Variants in CACNG3 observed in about 807,000 individuals in gnomAD.
The protein encoded by CACNG3 is voltage-dependent calcium channel gamma-3 subunit.
Under a neutral mutation model 28.5 loss-of-function variants are expected in CACNG3, and 3 were observed. The ratio of observed to expected loss-of-function variants is 0.11; its 90% confidence interval spans 0.05 to 0.27. The LOEUF (loss-of-function observed/expected upper bound fraction) is 0.27. Among genes scored for constraint, CACNG3 ranks in the 10% least tolerant of loss-of-function variants. CACNG3 has a pLI of 1.00. For synonymous variants in CACNG3, 174 were observed against 162.2 expected (o/e 1.07, Z -0.55); for missense variants, 236 against 414.4 (o/e 0.57, Z 3.74).
chr16:24,295,213 C>G (rs1024435232), intron 1 of CACNG3, among the ~76,000 whole-genome samples: 2 of 152,146 alleles, frequency 1.3e-5, no homozygotes, highest in East Asian at 3.9e-4. Context: ...CCAGACTTGC[C>G]GCCTGAACTG....
At chr16:24,315,765 T>C (rs1008677487) in intron 1 of CACNG3, among the ~76,000 whole-genome samples, 5 of 152,002 alleles carry the variant, frequency 3.3e-5, no homozygotes. Context: ...TTCAAGCAAT[T>C]CCCCTGCCTC....
At chr16:24,293,351 T>C (rs940494291) in intron 1 of CACNG3, among the ~76,000 whole-genome samples, 5 of 152,092 alleles carry the variant, frequency 3.3e-5, no homozygotes, top group African/African-American at 1.2e-4. Flanking sequence ...CTGATGTTCA[T>C]CCTCTGGTTC....
intron 1 of CACNG3, among the ~76,000 whole-genome samples, chr16:24,289,091 A>G (rs543347656): frequency 6.6e-6 from 1 of 152,162 alleles, no homozygotes; most frequent in Non-Finnish European, 1.5e-5. Context: ...CAGCATCTTA[A>G]GGAAACCGCA....
intron 1 of CACNG3, among the ~76,000 whole-genome samples, chr16:24,305,318 A>ATGTGTGTG (rs1491191229): frequency 8.4e-6 from 1 of 118,406 alleles, no homozygotes; most frequent in African/African-American, 3.2e-5. Flanking sequence ...ATATACATAA[A>ATGTGTGTG]TATGTGTGTG....
At chr16:24,356,297 T>G (rs1054886403) in intron 3 of CACNG3, among the ~76,000 whole-genome samples, 1 of 152,070 alleles carries the variant, frequency 6.6e-6, no homozygotes, top group African/African-American at 2.4e-5. Flanking sequence ...TGAGGAAGAG[T>G]GGCTTGCAAC....
intron 2 of CACNG3, among the ~76,000 whole-genome samples, chr16:24,354,250 G>A (rs1256933826): frequency 6.6e-6 from 1 of 152,030 alleles, no homozygotes; most frequent in Non-Finnish European, 1.5e-5. Context: ...TTCTGTGATC[G>A]CTCTCGATCT....
chr16:24,356,521 T>G (rs1273022638), intron 3 of CACNG3, among the ~76,000 whole-genome samples: 2 of 151,910 alleles, frequency 1.3e-5, no homozygotes, highest in Non-Finnish European at 2.9e-5. Context: ...TAGGCAACAT[T>G]GCAAGACCCG....
At chr16:24,302,331 C>T (rs548712141) in intron 1 of CACNG3, among the ~76,000 whole-genome samples, 112 of 152,332 alleles carry the variant, frequency 7.4e-4, no homozygotes, top group African/African-American at 2.6e-3. Context: ...CTCAAAGAGT[C>T]ACCCTTGGAC....
chr16:24,343,004 A>G (rs980447542), intron 1 of CACNG3, among the ~76,000 whole-genome samples: 1 of 152,114 alleles, frequency 6.6e-6, no homozygotes, highest in South Asian at 2.1e-4. Context: ...AGCCTGGACA[A>G]TATGGCAAAA....
At chr16:24,260,037 T>C (rs1898518161) in intron 1 of CACNG3, among the ~76,000 whole-genome samples, 1 of 152,232 alleles carries the variant, frequency 6.6e-6, no homozygotes, top group African/African-American at 2.4e-5. Flanking sequence ...GTATTGACTA[T>C]GTGTTTTAAG....
At chr16:24,331,997 C>A (rs1652005181) in intron 1 of CACNG3, among the ~76,000 whole-genome samples, 2 of 152,194 alleles carry the variant, frequency 1.3e-5, no homozygotes. Context: ...CTGAAATTAT[C>A]TTTTCCTTTT....
chr16:24,351,444 C>T lies in CACNG3; in HGVS notation c.296-3389C>T, dbSNP rs573789374. Among the ~76,000 whole-genome samples, 410 of 151,784 alleles carry T rather than the reference C, an allele frequency of 2.7e-3. 2 individuals are homozygous for T. Among genetic ancestry groups the T allele is most frequent in the African/African-American group, 8.8e-3 (363 of 41,352 alleles). On this transcript the variant is annotated intron_variant, in intron 2 of 3. Transcript: ENST00000005284. The stretch of plus-strand genomic sequence containing the variant: ...AAAATTAGGGTGGTATGGTGGCATG[C>T]GCCTGTAGTCCCAGCTACTCGGGAA...
chr16:24,337,138 T>A (rs1899723179), intron 1 of CACNG3, among the ~76,000 whole-genome samples: 1 of 152,126 alleles, frequency 6.6e-6, no homozygotes. Flanking sequence ...AAGATAGGAA[T>A]CTTGAGAGGA....
intron 1 of CACNG3, among the ~76,000 whole-genome samples, chr16:24,343,370 T>A (rs1899816069): frequency 6.6e-6 from 1 of 152,154 alleles, no homozygotes; most frequent in African/African-American, 2.4e-5. Flanking sequence ...TGGTCTGTAT[T>A]TAGTAAGGTT....
chr16:24,297,997 G>C (rs1402926228), intron 1 of CACNG3, among the ~76,000 whole-genome samples: 1 of 150,166 alleles, frequency 6.7e-6, no homozygotes, highest in Non-Finnish European at 1.5e-5. Context: ...CTGTGTGTGT[G>C]TGTGTGTGTG....
Position 24,256,645 on chromosome 16 carries a change from T to C in CACNG3, c.-110T>C. 1 of 748,306 alleles carries C rather than the reference T, an allele frequency of 1.3e-6. No homozygotes were observed. Among genetic ancestry groups the C allele is most frequent in the Non-Finnish European group, 2.4e-6 (1 of 419,266 alleles). 46.4% of individuals were successfully genotyped at this position (748,306 alleles called of 1,614,324 possible). A position where few individuals can be genotyped will look rare whatever the true frequency, so the allele number is the denominator to read the frequency against. The stretch of plus-strand genomic sequence containing the variant: ...CTGTGGATGCTGACAAAAGGAGACC[T>C]GAATTTTTGGAAGAGCCTGTACTAG... On this transcript the variant is annotated 5_prime_UTR_variant, in exon 1 of 4. Transcript: ENST00000005284. This position sits in a 1 kb window ranked among gnomAD's most constrained non-coding sequence, Gnocchi z 4.6.
At chr16:24,322,883 T>G (rs1451297726) in intron 1 of CACNG3, among the ~76,000 whole-genome samples, 1 of 152,160 alleles carries the variant, frequency 6.6e-6, no homozygotes, top group Non-Finnish European at 1.5e-5. Flanking sequence ...GGGCCACTAT[T>G]CACATAACCA....
intron 1 of CACNG3, among the ~76,000 whole-genome samples, chr16:24,328,792 CAG>C (rs951027010): frequency 6.6e-6 from 1 of 152,164 alleles, no homozygotes; most frequent in Non-Finnish European, 1.5e-5. Flanking sequence ...TGCACCCACA[CAG>C]AGTCACATCC....
At chr16:24,279,848 TG>T (rs1238454353) in intron 1 of CACNG3, among the ~76,000 whole-genome samples, 2 of 152,160 alleles carry the variant, frequency 1.3e-5, no homozygotes, top group Non-Finnish European at 2.9e-5. Flanking sequence ...AGTTTAGTGA[TG>T]GGGAGAGGGT....
Sources: allele counts gnomAD v4.1 joint callset (sites outside exome capture counted in the v4.1 genomes callset), GRCh38; gene constraint gnomAD v4.1.1; non-coding constraint Gnocchi (gnomAD v3.1); transcripts MANE v1.5; gene names NCBI Gene and HGNC (gene_info 2026-07-23, HGNC 2026-07-21).